Variants in SCML4 observed in about 807,000 individuals in gnomAD.
SCML4 encodes the protein Scm polycomb group protein like 4.
A neutral mutation model predicts 41.1 loss-of-function variants in SCML4; 34 were observed. The ratio of observed to expected loss-of-function variants is 0.83; its 90% CI spans 0.63 to 1.10. SCML4 has a LOEUF of 1.10. SCML4 is among the 50% of genes least tolerant of loss of function. The pLI, the probability that SCML4 is intolerant of heterozygous loss-of-function variation, is 0.00. For missense variants in SCML4, 522 were observed against 534.1 expected (o/e 0.98, Z 0.22); for synonymous variants, 214 against 220.9 (o/e 0.97, Z 0.28).
chr6:107,795,462 C>G lies in SCML4; in HGVS notation c.-59-23076G>C, dbSNP rs118114318. On this transcript the variant is annotated intron_variant, in intron 1 of 7. Coordinates refer to ENST00000369020, the MANE Select transcript of SCML4 (RefSeq NM_198081.5). ...GTACAGTTTGAGTTTTGAGTTTTGA[C>G]AAATGTATACACCAACGTAACTCAT... is the stretch of plus-strand genomic sequence containing the variant. Among the ~76,000 whole-genome samples, 761 of 152,238 alleles carry G rather than the reference C, an allele frequency of 5.0e-3. 9 individuals are homozygous for G. The highest frequency in any genetic ancestry group is 0.03 in the East Asian group (155 of 5,188).
chr6:107,755,099 G>C (rs1334463199), intron 2 of SCML4, among the ~76,000 whole-genome samples: 1 of 149,154 alleles, frequency 6.7e-6, no homozygotes, highest in Admixed American at 6.7e-5. Flanking sequence ...GACAGACCCT[G>C]TCTCAAAAAA....
At chr6:107,800,696 A>G (rs953373780) in intron 1 of SCML4, among the ~76,000 whole-genome samples, 2 of 152,136 alleles carry the variant, frequency 1.3e-5, no homozygotes, top group African/African-American at 2.4e-5. Flanking sequence ...CCTCTCTGTT[A>G]TACTGGGGCC....
intron 5 of SCML4, among the ~76,000 whole-genome samples, chr6:107,737,693 C>A (rs888341913): frequency 6.6e-6 from 1 of 152,176 alleles, no homozygotes; most frequent in African/African-American, 2.4e-5. Flanking sequence ...ATTACTTGGG[C>A]ACCTGTTAAA....
At chr6:107,735,749 A>C (rs543008251) in intron 5 of SCML4, among the ~76,000 whole-genome samples, 1 of 151,532 alleles carries the variant, frequency 6.6e-6, no homozygotes, top group East Asian at 1.9e-4. Flanking sequence ...CTGTGAGCCG[A>C]GATCACGCCA....
chr6:107,796,990 T>A (rs1202723800), intron 1 of SCML4, among the ~76,000 whole-genome samples: 2 of 152,140 alleles, frequency 1.3e-5, no homozygotes, highest in Admixed American at 1.3e-4. Flanking sequence ...ACCTCATGAA[T>A]CTATTTCTGA....
chr6:107,838,372 G>C, the SCML4 span, among the ~76,000 whole-genome samples: 2 of 152,196 alleles, frequency 1.3e-5, no homozygotes, highest in African/African-American at 4.8e-5. Flanking sequence ...GGATTGCAAA[G>C]GAAACCAGAT....
chr6:107,791,892 T>C (rs1782360166), intron 1 of SCML4, among the ~76,000 whole-genome samples: 1 of 151,916 alleles, frequency 6.6e-6, no homozygotes, highest in Admixed American at 6.6e-5. Context: ...CCCCAGGAGG[T>C]AGGGGATGCA....
chr6:107,746,681 G>T lies in SCML4; in HGVS notation c.487+8C>A. The T allele has an allele frequency of 1.9e-6, 3 of 1,612,914 alleles. No individual in the cohort carries two copies. Among genetic ancestry groups the T allele is most frequent in the African/African-American group, 1.3e-5 (1 of 75,036 alleles). ...TGGCCTCCTCATGCAACCTGCCCCA[G>T]GCCTTACCTGACACCATCTCACCAC... On this transcript the variant is annotated splice_region_variant and intron_variant, in intron 4 of 7. Transcript: ENST00000369020.
chr6:107,743,247 A>G (rs1473375828), intron 5 of SCML4, among the ~76,000 whole-genome samples: 2 of 152,230 alleles, frequency 1.3e-5, no homozygotes, highest in East Asian at 3.8e-4. Context: ...GGACATATCA[A>G]TTATTGACTA....
chr6:107,806,699 C>T (rs187961168), intron 1 of SCML4, among the ~76,000 whole-genome samples: 1 of 152,370 alleles, frequency 6.6e-6, no homozygotes, highest in Non-Finnish European at 1.5e-5. Context: ...TCCAAATAAT[C>T]CCGCCATCTC....
rs779699996 is a variant in SCML4 at position 107,745,111 on chromosome 6, G to A, written c.520C>T (p.Arg174Trp). Residue 174 changes from arginine (R) to tryptophan (W), a missense_variant, in exon 5 of 8, where the codon CGG (arginine) becomes TGG (tryptophan). Transcript: ENST00000369020. ...ATGCTGTTCACCACAGGCAGGCTCC[G>A]CAGGTGCTGTTTGCCATCAAAGGAA... ...SASFDGKQHLRSLPVVNSIGY... is the reference protein window; with the variant it reads ...SASFDGKQHLWSLPVVNSIGY... 2.2e-5 allele frequency: 35 copies of A among 1,600,048 alleles called. No individual in the cohort carries two copies. Among genetic ancestry groups the A allele is most frequent in the Middle Eastern group, 1.7e-4 (1 of 6,058 alleles).
intron 2 of SCML4, among the ~76,000 whole-genome samples, chr6:107,750,893 T>C (rs576380888): frequency 6.6e-6 from 1 of 152,358 alleles, no homozygotes; most frequent in African/African-American, 2.4e-5. Context: ...TGTTAACATG[T>C]GTGCAGTCCT....
intron 2 of SCML4, among the ~76,000 whole-genome samples, chr6:107,758,301 C>G (rs905525795): frequency 7.9e-5 from 12 of 152,180 alleles, no homozygotes; most frequent in Admixed American, 6.5e-4. Flanking sequence ...GCAGACAGAA[C>G]AGCTTGTGCA....
chr6:107,739,793 A>G (rs1393758498), intron 5 of SCML4, among the ~76,000 whole-genome samples: 2 of 152,230 alleles, frequency 1.3e-5, no homozygotes, highest in African/African-American at 2.4e-5. Flanking sequence ...AGGCGATCTT[A>G]AAGAGACAAT....
At position 107,745,110 on chromosome 6, in the gene SCML4, C is replaced by T. The variant is rs149397511; in HGVS notation, c.521G>A (p.Arg174Gln). The change falls in exon 5 of 8, where the codon CGG (arginine) becomes CAG (glutamine). Residue 174 changes from arginine (R) to glutamine (Q), a missense_variant. Physicochemically the swap from Arg to Gln is conservative, Grantham distance 43. Coordinates refer to ENST00000369020, the MANE Select transcript of SCML4 (RefSeq NM_198081.5). The stretch of plus-strand genomic sequence containing the variant: ...GATGCTGTTCACCACAGGCAGGCTC[C>T]GCAGGTGCTGTTTGCCATCAAAGGA... Reference protein sequence around the residue: ...SASFDGKQHLRSLPVVNSIGY... With the variant: ...SASFDGKQHLQSLPVVNSIGY... 1.2e-5 allele frequency: 19 copies of T among 1,601,148 alleles called. No individual in the cohort carries two copies. Among genetic ancestry groups the T allele is most frequent in the East Asian group, 9.0e-5 (4 of 44,206 alleles).
chr6:107,803,809 G>A (rs9372171), intron 1 of SCML4, among the ~76,000 whole-genome samples: 132,877 of 147,800 alleles, frequency 0.9, 61,088 homozygotes, highest in Non-Finnish European at 0.99. Flanking sequence ...ATGGATTAAG[G>A]GTGGTGCAAG....
intron 5 of SCML4, among the ~76,000 whole-genome samples, chr6:107,741,470 G>A (rs1298763218): frequency 2.0e-5 from 3 of 152,246 alleles, no homozygotes. Context: ...AGTGCCCGAA[G>A]GGAGAAATAT....
At chr6:107,748,599 G>A (rs1778341498) in intron 3 of SCML4, among the ~76,000 whole-genome samples, 1 of 152,190 alleles carries the variant, frequency 6.6e-6, no homozygotes, top group African/African-American at 2.4e-5. Flanking sequence ...CATCCCAGGT[G>A]ATAAGAAAAA....
chr6:107,705,059 A>G lies in SCML4; in HGVS notation c.*141T>C. ...ATTCTTCAAAAGGCAAAGATTCACAAGTTTTATAAAAAGACCACGTCTCTG... is the reference window on the plus strand; with the variant it reads ...ATTCTTCAAAAGGCAAAGATTCACAGGTTTTATAAAAAGACCACGTCTCTG... On this transcript the variant is annotated 3_prime_UTR_variant, in exon 8 of 8. Coordinates refer to ENST00000369020, the MANE Select transcript of SCML4 (RefSeq NM_198081.5). The G allele has an allele frequency of 1.2e-6, 1 of 807,620 alleles. No individual in the cohort carries two copies. Among genetic ancestry groups the G allele is most frequent in the Non-Finnish European group, 2.0e-6 (1 of 495,690 alleles). 50.0% of individuals were successfully genotyped at this position (807,620 alleles called of 1,614,324 possible). A position where few individuals can be genotyped will look rare whatever the true frequency, so the allele number is the denominator to read the frequency against.
Sources: gnomAD v4.1 joint callset for allele counts (sites outside exome capture counted in the v4.1 genomes callset) on GRCh38, gnomAD v4.1.1 for gene constraint, MANE v1.5 for transcripts, NCBI Gene and HGNC (gene_info 2026-07-23, HGNC 2026-07-21) for gene names.